KCNMB3: variants seen among roughly 807,000 people sequenced by gnomAD.
The protein encoded by KCNMB3 is calcium-activated potassium channel subunit beta-3.
KCNMB3 carries 18 observed loss-of-function variants against 11.9 expected under a neutral mutation model. The observed-to-expected ratio is 1.51, with a 90% CI of 1.04 to 2.23. KCNMB3 has a LOEUF of 2.23. Ranked by LOEUF, KCNMB3 falls within the 30% of genes most tolerant of loss-of-function variation. The probability of loss-of-function intolerance (pLI) is 0.00; values close to 1 mark genes in which losing one functional copy is unlikely to be tolerated. For synonymous variants in KCNMB3, 78 were observed against 119.2 expected (o/e 0.65, Z 2.25); for missense variants, 247 against 329.4 (o/e 0.75, Z 1.94).
intron 1 of KCNMB3, among the ~76,000 whole-genome samples, chr3:179,262,463 C>T (rs1726246014): frequency 6.6e-6 from 1 of 152,166 alleles, no homozygotes; most frequent in Non-Finnish European, 1.5e-5. Flanking sequence ...GTGAGTGTTA[C>T]AGCTCATAAA....
upstream of KCNMB3, chr3:179,251,169 A>C: frequency 6.2e-7 from 1 of 1,612,008 alleles, no homozygotes; most frequent in Non-Finnish European, 8.5e-7. Flanking sequence ...AAGCCTAAGA[A>C]ATGTTGCCTC....
chr3:179,251,729 G>T, upstream of KCNMB3: 1 of 1,045,146 alleles, frequency 9.6e-7, no homozygotes, highest in Non-Finnish European at 1.2e-6. Flanking sequence ...TTGTTTTTGT[G>T]TTTTTTGGTT....
At chr3:179,258,909 A>G (rs778403437) in intron 1 of KCNMB3, 6 of 1,609,388 alleles carry the variant, frequency 3.7e-6, no homozygotes, top group African/African-American at 1.3e-5. Context: ...GGTGATTGGC[A>G]TACAGTGCAT....
intron 1 of KCNMB3, chr3:179,259,420 T>C (rs1726129307): frequency 1.9e-6 from 3 of 1,600,328 alleles, no homozygotes; most frequent in Non-Finnish European, 2.6e-6. Flanking sequence ...AAATCTAATG[T>C]GTCTCTACCA....
chr3:179,247,433 A>G lies in KCNMB3; in HGVS notation c.249-2740T>C, dbSNP rs1409854750. ...TCAGAAGTGAGGTATAGCCAAGACAAGAGAATCGCTTGAGCCTAGGAGTTT... is the reference window on the plus strand; with the variant it reads ...TCAGAAGTGAGGTATAGCCAAGACAGGAGAATCGCTTGAGCCTAGGAGTTT... On this transcript the variant is annotated intron_variant, in intron 1 of 2. Coordinates refer to ENST00000392685, the MANE Select transcript of KCNMB3 (RefSeq NM_171830.2). Among the ~76,000 whole-genome samples the G allele has an allele frequency of 3.3e-5, 5 of 152,234 alleles. No individual in the cohort carries two copies. The East Asian group carries it at 9.6e-4, about 29-fold the overall frequency.
At chr3:179,243,796 G>C (rs985323962) in intron 2 of KCNMB3, among the ~76,000 whole-genome samples, 5 of 152,208 alleles carry the variant, frequency 3.3e-5, no homozygotes, top group African/African-American at 7.2e-5. Context: ...AACCAGTGGA[G>C]AAGGGAGCTC....
rs199759864 is a variant in KCNMB3, at chr3:179,244,625, G to A, written c.317C>T (p.Ala106Val). 7 of 1,614,042 alleles carry A rather than the reference G, an allele frequency of 4.3e-6. No homozygotes were observed. Among genetic ancestry groups the A allele is most frequent in the Admixed American group, 1.7e-5 (1 of 60,026 alleles). The change falls in exon 2 of 3, where the codon GCC (alanine) becomes GTC (valine). Residue 106 changes from alanine to valine, a missense_variant. Ala to Val is a moderately conservative substitution (Grantham distance 64). Transcript: ENST00000392685. Reference sequence around the variant, plus strand: ...GTGGCAGTGCACACCACAGGTGAAGGCACAGTCCAGCCAGTCGTCCATGAT... The same window carrying A: ...GTGGCAGTGCACACCACAGGTGAAGACACAGTCCAGCCAGTCGTCCATGAT... ...TDIMDDWLDC[A>V]FTCGVHCHGQ...
chr3:179,263,130 G>A (rs536189325), intron 1 of KCNMB3, among the ~76,000 whole-genome samples: 20 of 152,352 alleles, frequency 1.3e-4, no homozygotes, highest in Non-Finnish European at 2.6e-4. Flanking sequence ...AGGCTCGGGC[G>A]GCACAGGAGC....
chr3:179,241,809 T>A (rs1048296437), downstream of KCNMB3: 1 of 154,158 alleles, frequency 6.5e-6, no homozygotes, highest in Non-Finnish European at 1.5e-5. Context: ...ATAATTGCGG[T>A]TTTTCGCCAT....
upstream of KCNMB3, among the ~76,000 whole-genome samples, chr3:179,253,439 A>G (rs1246802256): frequency 6.6e-6 from 1 of 152,232 alleles, no homozygotes; most frequent in African/African-American, 2.4e-5. Context: ...TGACAACTTC[A>G]TAAGTCACTT....
At chr3:179,260,347 T>TAGC (rs1726163678) in intron 1 of KCNMB3, 1 of 1,613,882 alleles carries the variant, frequency 6.2e-7, no homozygotes, top group Non-Finnish European at 8.5e-7. Context: ...TCCTCATAGG[T>TAGC]AGCACCTGCT....
intron 1 of KCNMB3, among the ~76,000 whole-genome samples, chr3:179,247,636 T>C (rs917802278): frequency 3.3e-5 from 5 of 152,174 alleles, no homozygotes; most frequent in South Asian, 4.1e-4. Flanking sequence ...CACAACCAGA[T>C]ACAAGACTCC....
chr3:179,262,586 C>A (rs1018207777), intron 1 of KCNMB3, among the ~76,000 whole-genome samples: 15 of 152,240 alleles, frequency 9.9e-5, no homozygotes, highest in African/African-American at 3.6e-4. Context: ...CTGGCTGGGG[C>A]AGCCTACTTT....
At chr3:179,251,865 G>A (rs1725858821), upstream of KCNMB3, among the ~76,000 whole-genome samples, 1 of 152,086 alleles carries the variant, frequency 6.6e-6, no homozygotes, top group African/African-American at 2.4e-5. Context: ...GGGATTACAG[G>A]CGCCGGCCAC....
chr3:179,260,628 C>T, intron 1 of KCNMB3: 1 of 1,368,768 alleles, frequency 7.3e-7, no homozygotes. Flanking sequence ...TGGTATCAAA[C>T]ATTACTGAGA....
intron 1 of KCNMB3, chr3:179,259,924 C>A: frequency 6.2e-7 from 1 of 1,613,432 alleles, no homozygotes; most frequent in South Asian, 1.1e-5. Context: ...TCCCTTAATC[C>A]TTTTTCTTCA....
chr3:179,243,881 A>G (rs1296319372), intron 2 of KCNMB3, among the ~76,000 whole-genome samples: 5 of 152,148 alleles, frequency 3.3e-5, no homozygotes, highest in Non-Finnish European at 7.3e-5. Flanking sequence ...GTACTGTGCT[A>G]AAGGCCAAAA....
exon 1 of KCNMB3, chr3:179,266,689 C>T (rs1726378323): frequency 5.0e-6 from 8 of 1,614,050 alleles, no homozygotes; most frequent in African/African-American, 4.0e-5. Context: ...GTGATTTGCA[C>T]GGGGATGCTG....
At chr3:179,254,746 G>C (rs1390241474), upstream of KCNMB3, among the ~76,000 whole-genome samples, 1 of 152,148 alleles carries the variant, frequency 6.6e-6, no homozygotes, top group African/African-American at 2.4e-5. Context: ...AGGTTGCAGT[G>C]AGCCAAGATT....
Sources: allele counts gnomAD v4.1 joint callset (sites outside exome capture counted in the v4.1 genomes callset), GRCh38; gene constraint gnomAD v4.1.1; transcripts MANE v1.5; gene names NCBI Gene and HGNC (gene_info 2026-07-23, HGNC 2026-07-21).